SHISA9: variants seen among roughly 807,000 people sequenced by gnomAD.
The protein encoded by SHISA9 is protein shisa-9.
Under a neutral mutation model 38.0 loss-of-function variants are expected in SHISA9, and 13 were observed. The observed-to-expected ratio is 0.34, with a 90% confidence interval of 0.22 to 0.54. The LOEUF is 0.54. Ranked by LOEUF, SHISA9 falls within the 20% of genes least tolerant of loss-of-function variation. The pLI, the probability that SHISA9 is intolerant of heterozygous loss-of-function variation, is 0.91. For synonymous variants in SHISA9, 275 were observed against 242.0 expected, an observed-to-expected ratio of 1.14 and a Z score of -1.27; for missense variants, 538 against 575.8, an observed-to-expected ratio of 0.93 and a Z score of 0.67.
At chr16:13,241,558 A>G (rs2051435625), downstream of SHISA9, among the ~76,000 whole-genome samples, 1 of 152,180 alleles carries the variant, frequency 6.6e-6, no homozygotes, top group African/African-American at 2.4e-5. Context: ...CCTACTGGTG[A>G]TTATAAGCCA....
intron 2 of SHISA9, among the ~76,000 whole-genome samples, chr16:13,085,500 G>A (rs1317085610): frequency 1.3e-5 from 2 of 152,162 alleles, no homozygotes; most frequent in African/African-American, 4.8e-5. Flanking sequence ...ATAAGGCTAG[G>A]ACTTCGCCTG....
chr16:12,982,196 A>G (rs1482696407), intron 2 of SHISA9, among the ~76,000 whole-genome samples: 2 of 152,194 alleles, frequency 1.3e-5, no homozygotes, highest in African/African-American at 2.4e-5. Flanking sequence ...GAGAGCTCAC[A>G]GCTTAACTGC....
chr16:13,078,158 C>T (rs1160319508), intron 2 of SHISA9, among the ~76,000 whole-genome samples: 2 of 152,194 alleles, frequency 1.3e-5, no homozygotes, highest in African/African-American at 4.8e-5. Context: ...AATGTGTACA[C>T]AGTTGCCTCT....
chr16:13,195,525 G>C (rs1003164606), intron 2 of SHISA9, among the ~76,000 whole-genome samples: 3 of 152,154 alleles, frequency 2.0e-5, no homozygotes, highest in Non-Finnish European at 2.9e-5. Flanking sequence ...CAAGGAGGTA[G>C]AGCATAACCC....
chr16:13,186,028 G>A (rs2050818356), intron 2 of SHISA9, among the ~76,000 whole-genome samples: 1 of 152,134 alleles, frequency 6.6e-6, no homozygotes, highest in African/African-American at 2.4e-5. Flanking sequence ...GAACTCCATG[G>A]TAGCGAATTG....
At chr16:12,944,302 AG>A (rs1211340024) in intron 2 of SHISA9, among the ~76,000 whole-genome samples, 2 of 152,214 alleles carry the variant, frequency 1.3e-5, no homozygotes, top group Non-Finnish European at 2.9e-5. Flanking sequence ...TCTTATTTCT[AG>A]GCTGTCTTGA....
the SHISA9 span, among the ~76,000 whole-genome samples, chr16:13,271,030 T>A: frequency 6.6e-6 from 1 of 152,288 alleles, no homozygotes; most frequent in Admixed American, 6.5e-5. Flanking sequence ...TAGGAAAGTG[T>A]GCATACTGAC....
chr16:13,529,674 G>GT, the SHISA9 span, among the ~76,000 whole-genome samples: 1 of 150,002 alleles, frequency 6.7e-6, no homozygotes, highest in South Asian at 2.1e-4. Context: ...GACAGAGTTT[G>GT]TTTTTTTCCA....
chr16:13,532,113 C>A, the SHISA9 span, among the ~76,000 whole-genome samples: 6 of 152,170 alleles, frequency 3.9e-5, no homozygotes, highest in Non-Finnish European at 5.9e-5. Flanking sequence ...TCATTATCTC[C>A]CTGTCAGCAC....
chr16:13,093,030 C>T (rs1178498037), intron 2 of SHISA9, among the ~76,000 whole-genome samples: 1 of 152,268 alleles, frequency 6.6e-6, no homozygotes, highest in South Asian at 2.1e-4. Context: ...CACTTTTTGA[C>T]ACCAAAACCC....
the SHISA9 span, among the ~76,000 whole-genome samples, chr16:13,358,634 C>A: frequency 6.6e-6 from 1 of 152,154 alleles, no homozygotes; most frequent in Non-Finnish European, 1.5e-5. Flanking sequence ...TCAGAATTTT[C>A]ACCAATACAT....
chr16:12,981,693 C>G (rs538946941), intron 2 of SHISA9, among the ~76,000 whole-genome samples: 4 of 152,206 alleles, frequency 2.6e-5, no homozygotes, highest in South Asian at 4.1e-4. Flanking sequence ...ATGTTGAAGT[C>G]CTAACTGCCA....
At chr16:13,338,067 C>T in the SHISA9 span, among the ~76,000 whole-genome samples, 1 of 152,148 alleles carries the variant, frequency 6.6e-6, no homozygotes. Context: ...AAAAGAGGCA[C>T]CACCTTTACT....
At position 13,167,063 on chromosome 16, in the gene SHISA9, C is replaced by CT. The variant is rs765999078; in HGVS notation, c.692-36330dup. 2.3e-3 allele frequency among the ~76,000 whole-genome samples: 277 copies of CT among 119,840 alleles called. 3 individuals carry two copies. Among genetic ancestry groups the CT allele is most frequent in the East Asian group, 0.023 (91 of 3,994 alleles). The allele number at this position is 119,840 out of a possible 152,430, so 78.6% of individuals were successfully genotyped here. A position where few individuals can be genotyped will look rare whatever the true frequency, so the allele number is the denominator to read the frequency against. On this transcript the variant is annotated intron_variant, in intron 2 of 4. Transcript: ENST00000558583. ...TTTACTCTACTTCTTCTCTCTCTCT[C>CT]TCTTTTTTCTTTTTTTTTTTTTTTT... is the stretch of plus-strand genomic sequence containing the variant.
chr16:13,113,450 C>T (rs771011241), intron 2 of SHISA9, among the ~76,000 whole-genome samples: 1 of 152,104 alleles, frequency 6.6e-6, no homozygotes, highest in Non-Finnish European at 1.5e-5. Context: ...GAGATTGTTG[C>T]TTGATCTGTA....
At chr16:13,193,824 T>C (rs1426012916) in intron 2 of SHISA9, among the ~76,000 whole-genome samples, 1 of 152,186 alleles carries the variant, frequency 6.6e-6, no homozygotes, top group Non-Finnish European at 1.5e-5. Flanking sequence ...GTATCTGGTA[T>C]CTCAGAGTTA....
At chr16:12,954,039 GAC>G (rs2071796117) in intron 2 of SHISA9, among the ~76,000 whole-genome samples, 2 of 152,164 alleles carry the variant, frequency 1.3e-5, no homozygotes, top group African/African-American at 4.8e-5. Flanking sequence ...TTTGGGTGGA[GAC>G]ACAGAGTCAA....
chr16:12,976,161 C>T (rs546396426), intron 2 of SHISA9, among the ~76,000 whole-genome samples: 1 of 152,230 alleles, frequency 6.6e-6, no homozygotes, highest in East Asian at 1.9e-4. Context: ...GATCCCGGCT[C>T]ACTGTAACCT....
chr16:13,539,339 A>ATG, the SHISA9 span, among the ~76,000 whole-genome samples: 1 of 38,378 alleles, frequency 2.6e-5, no homozygotes, highest in African/African-American at 7.3e-5. Context: ...CTTTATATAT[A>ATG]TATAAAGATA....
Sources: allele counts gnomAD v4.1 joint callset (sites outside exome capture counted in the v4.1 genomes callset), GRCh38; gene constraint gnomAD v4.1.1; transcripts MANE v1.5; gene names NCBI Gene and HGNC (gene_info 2026-07-23, HGNC 2026-07-21).